The following UNC5D variants were observed in gnomAD, a reference collection of about 807,000 sequenced individuals.
The protein encoded by UNC5D is netrin receptor UNC5D.
A neutral mutation model predicts 105.4 loss-of-function variants in UNC5D; 39 were observed. That is an observed-to-expected ratio of 0.37 (90% CI 0.29 to 0.48). The LOEUF (loss-of-function observed/expected upper bound fraction) is 0.48, where lower values mean the gene tolerates loss of function less well. Ranked by LOEUF, UNC5D falls within the 20% of genes least tolerant of loss-of-function variation. The probability of loss-of-function intolerance (pLI) is 0.98; values close to 1 mark genes in which losing one functional copy is unlikely to be tolerated. For missense variants in UNC5D, 991 were observed against 1,202.4 expected, an observed-to-expected ratio of 0.82 and a Z score of 2.60; for synonymous variants, 452 against 450.4, an observed-to-expected ratio of 1.00 and a Z score of -0.04.
chr8:35,790,585 G>C lies in UNC5D; in HGVS notation c.*22G>C. The C allele has an allele frequency of 1.2e-6, 2 of 1,612,974 alleles. No individual in the cohort carries two copies. Among genetic ancestry groups the C allele is most frequent in the African/African-American group, 1.3e-5 (1 of 75,026 alleles). Reference sequence around the variant, plus strand: ...CTAGTCCACTTCCTCCCATGAGACAGAGTGATGGCCAGCTTGGGGACATTT... The same window carrying C: ...CTAGTCCACTTCCTCCCATGAGACACAGTGATGGCCAGCTTGGGGACATTT... On this transcript the variant is annotated 3_prime_UTR_variant, in exon 17 of 17. Coordinates refer to ENST00000404895, the MANE Select transcript of UNC5D (RefSeq NM_080872.4).
At chr8:35,403,284 A>G (rs1463456700) in intron 1 of UNC5D, among the ~76,000 whole-genome samples, 1 of 152,220 alleles carries the variant, frequency 6.6e-6, no homozygotes, top group Non-Finnish European at 1.5e-5. Flanking sequence ...CTGTGTGTTA[A>G]CACCTTTGTG....
At chr8:35,253,741 G>A (rs1457677991) in intron 1 of UNC5D, among the ~76,000 whole-genome samples, 4 of 151,838 alleles carry the variant, frequency 2.6e-5, no homozygotes, top group Admixed American at 1.3e-4. Flanking sequence ...CGCCCGCCTC[G>A]GCCTCCCAAA....
chr8:35,469,049 T>C (rs1405164103), intron 1 of UNC5D, among the ~76,000 whole-genome samples: 1 of 152,164 alleles, frequency 6.6e-6, no homozygotes. Flanking sequence ...TGATATGAAA[T>C]AATCTATTAT....
chr8:35,684,548 C>A, intron 5 of UNC5D, 34 bp from the exon 6 acceptor site: 1 of 1,601,564 alleles, frequency 6.2e-7, no homozygotes, highest in East Asian at 2.2e-5. Context: ...AACCTCTCTC[C>A]TTTTTTTCTC....
intron 1 of UNC5D, among the ~76,000 whole-genome samples, chr8:35,299,466 G>A (rs758960555): frequency 5.3e-5 from 8 of 152,264 alleles, no homozygotes; most frequent in South Asian, 2.1e-4. Flanking sequence ...TTCTTCCTCC[G>A]TTCTTTCCTT....
chr8:35,291,426 C>T (rs1375219179), intron 1 of UNC5D, among the ~76,000 whole-genome samples: 1 of 152,180 alleles, frequency 6.6e-6, no homozygotes, highest in Non-Finnish European at 1.5e-5. Context: ...GATATGTCTC[C>T]ATCAGGTTCA....
chr8:35,410,419 A>G (rs191040580), intron 1 of UNC5D, among the ~76,000 whole-genome samples: 2 of 152,166 alleles, frequency 1.3e-5, no homozygotes, highest in Admixed American at 6.6e-5. Flanking sequence ...TTCTTTGAAT[A>G]GGGGAAACTA....
At chr8:35,428,166 G>C (rs956517889) in intron 1 of UNC5D, among the ~76,000 whole-genome samples, 2 of 151,814 alleles carry the variant, frequency 1.3e-5, no homozygotes, top group Non-Finnish European at 2.9e-5. Context: ...GGTATGTCAG[G>C]TCATGTTTTT....
chr8:35,559,864 A>G (rs138088181), intron 2 of UNC5D, among the ~76,000 whole-genome samples: 135 of 152,316 alleles, frequency 8.9e-4, no homozygotes, highest in African/African-American at 3.2e-3. Flanking sequence ...AGTGTTTTCT[A>G]TCTGATAAAT....
intron 2 of UNC5D, among the ~76,000 whole-genome samples, chr8:35,550,672 A>G (rs1586110313): frequency 6.6e-6 from 1 of 152,224 alleles, no homozygotes; most frequent in South Asian, 2.1e-4. Context: ...CATGAATGCT[A>G]TGCAGATGAA....
intron 1 of UNC5D, among the ~76,000 whole-genome samples, chr8:35,493,300 A>AAAC (rs1236845489): frequency 6.6e-6 from 1 of 151,196 alleles, no homozygotes; most frequent in African/African-American, 2.4e-5. Context: ...AAAAAAAAAA[A>AAAC]AAAACACACC....
At chr8:35,533,494 CTT>C (rs1365582321) in intron 1 of UNC5D, among the ~76,000 whole-genome samples, 16 of 152,282 alleles carry the variant, frequency 1.1e-4, no homozygotes, top group Non-Finnish European at 7.4e-5. Context: ...TTACTGCTGT[CTT>C]TTTGTTTGTC....
intron 4 of UNC5D, among the ~76,000 whole-genome samples, chr8:35,635,908 G>T (rs1216633620): frequency 6.6e-6 from 1 of 152,112 alleles, no homozygotes; most frequent in African/African-American, 2.4e-5. Context: ...GTGCTGAAAA[G>T]TGGCATGCAC....
At chr8:35,248,141 A>T (rs367794639) in intron 1 of UNC5D, among the ~76,000 whole-genome samples, 33 of 40,174 alleles carry the variant, frequency 8.2e-4, no homozygotes, top group East Asian at 3.0e-3. Flanking sequence ...ATATTATATA[A>T]AATATATATA....
intron 1 of UNC5D, among the ~76,000 whole-genome samples, chr8:35,548,780 A>G (rs1239575556): frequency 6.6e-6 from 1 of 152,188 alleles, no homozygotes; most frequent in African/African-American, 2.4e-5. Flanking sequence ...TTGCCAGACA[A>G]TCTCCACCAT....
intron 1 of UNC5D, among the ~76,000 whole-genome samples, chr8:35,542,429 G>A (rs1326050444): frequency 6.6e-6 from 1 of 152,174 alleles, no homozygotes; most frequent in East Asian, 1.9e-4. Flanking sequence ...TACACTCACA[G>A]AAAATGAATG....
At chr8:35,711,168 T>TTTTTGTTTTG (rs536017128) in intron 8 of UNC5D, among the ~76,000 whole-genome samples, 5,199 of 148,036 alleles carry the variant, frequency 0.035, 220 homozygotes, top group Admixed American at 0.091. Flanking sequence ...CGGCTTTCTG[T>TTTTTGTTTTG]TTTTGTTTTG....
At chr8:35,593,202 C>A (rs1005157915) in intron 3 of UNC5D, among the ~76,000 whole-genome samples, 4 of 152,070 alleles carry the variant, frequency 2.6e-5, no homozygotes, top group African/African-American at 9.7e-5. Context: ...TGTCTTTTCA[C>A]CTGATAACTT....
Position 35,774,327 on chromosome 8 carries a change from C to T in UNC5D, c.2507C>T (p.Ala836Val), listed in dbSNP as rs1270541009. 2 of 1,614,030 alleles carry T rather than the reference C, an allele frequency of 1.2e-6. No homozygotes were observed. The highest frequency in any genetic ancestry group is 3.3e-5 in the Admixed American group (2 of 59,992). ...GAACGAGAAACCATCACTTTCTTCG[C>T]ACAAGAGGACAGCACTTTCCCTGCA... Reference protein sequence around the residue: ...ESERETITFFAQEDSTFPAQT... With the variant: ...ESERETITFFVQEDSTFPAQT... The change falls in exon 16 of 17, where the codon GCA becomes GTA. Residue 836 changes from alanine to valine, a missense_variant. This residue lies in a region of UNC5D where 944 missense variants were observed against 1,131.6 expected (regional missense o/e 0.83). Transcript: ENST00000404895.
Sources: gnomAD v4.1 joint callset for allele counts (sites outside exome capture counted in the v4.1 genomes callset) on GRCh38, gnomAD v4.1.1 for gene constraint, gnomAD v4.1.1 regional missense constraint, MANE v1.5 for transcripts, NCBI Gene and HGNC (gene_info 2026-07-23, HGNC 2026-07-21) for gene names.